Variants in ADAM33 observed in about 807,000 individuals in gnomAD.
ADAM33 encodes the protein ADAM metallopeptidase domain 33, also known as disintegrin and metalloproteinase domain-containing protein 33.
In ADAM33, 103 loss-of-function variants were observed where a neutral mutation model predicts 106.2. The ratio of observed to expected loss-of-function variants is 0.97; its 90% CI spans 0.83 to 1.14. ADAM33 has a LOEUF of 1.14. ADAM33 is among the 50% of genes most tolerant of loss of function. The pLI, the probability that ADAM33 is intolerant of heterozygous loss-of-function variation, is 0.00. For missense variants in ADAM33, 1,120 were observed against 1,096.6 expected (o/e 1.02, Z -0.30); for synonymous variants, 483 against 453.0 (o/e 1.07, Z -0.84).
At position 3,671,298 on chromosome 20, in the gene ADAM33, T is replaced by C. The variant is rs760575238; in HGVS notation, c.2031A>G (p.Pro677=). ...HNCHCAPGWA[P]PFCDKPGFGG... Reference sequence around the variant, plus strand: ...CAAAGCCTGGCTTGTCACAGAAGGGTGGAGCCCAGCCTGGAGCACAGTGGC... The same window carrying C: ...CAAAGCCTGGCTTGTCACAGAAGGGCGGAGCCCAGCCTGGAGCACAGTGGC... Residue 677 remains proline (P), a synonymous_variant, in exon 18 of 22, where the codon CCA becomes CCG. Transcript: ENST00000356518. 3 of 1,613,304 alleles carry C rather than the reference T, an allele frequency of 1.9e-6. No homozygotes were observed. In the African/African-American group the frequency reaches 4.0e-5, roughly 22 times the overall value.
intron 2 of ADAM33, 40 bp downstream of exon 2, chr20:3,679,452 T>C (rs2088275863): frequency 6.4e-7 from 1 of 1,568,772 alleles, no homozygotes; most frequent in Admixed American, 1.8e-5. Context: ...GGCTGGGAGG[T>C]TCAGGGCCCC....
intron 19 of ADAM33, chr20:3,669,867 A>T: frequency 3.2e-6 from 2 of 623,886 alleles, no homozygotes; most frequent in East Asian, 5.5e-5. Context: ...TCCTCTCTCT[A>T]GTCCTAACAT....
intron 6 of ADAM33, 82 bp downstream of exon 6, chr20:3,674,422 G>T: frequency 6.2e-7 from 1 of 1,600,154 alleles, no homozygotes. Flanking sequence ...ACTGGGACTC[G>T]AGGCCTGTGA....
intron 2 of ADAM33, among the ~76,000 whole-genome samples, chr20:3,679,216 G>A (rs1000755269): frequency 3.9e-4 from 59 of 151,252 alleles, no homozygotes; most frequent in Non-Finnish European, 1.3e-4. Flanking sequence ...TGGTGGGGGT[G>A]GGGGTGGCCC....
Position 3,681,987 on chromosome 20 carries a change from C to T in ADAM33, c.18G>A (p.Arg6=). ...GCAGCAACGGGGTCCCCCGAGCTCT[C>T]CGGGGCCTCCAGCCCATAGCTGTGA... MGWRP[R]RARGTPLLLL... is the part of the protein sequence containing the mutation. Residue 6 remains arginine, a synonymous_variant, in exon 1 of 22, where the codon CGG becomes CGA. Transcript: ENST00000356518. The T allele has an allele frequency of 6.5e-7, 1 of 1,537,024 alleles. No individual in the cohort carries two copies. The highest frequency in any genetic ancestry group is 8.8e-7 in the Non-Finnish European group (1 of 1,141,278).
At position 3,672,283 on chromosome 20, in the gene ADAM33, T is replaced by A; in HGVS notation, c.1448A>T (p.Asp483Val). 6.2e-7 allele frequency: 1 copy of A among 1,613,076 alleles called. No homozygotes were observed. The highest frequency in any genetic ancestry group is 8.5e-7 in the Non-Finnish European group (1 of 1,179,952). ...ALCRQAMGDC[D>V]LPEFCTGTSS... ...GGTGCCCGTGCAAAACTCAGGGAGG[T>A]CACAGTCACCCATGGCCTGGCGGCA... Residue 483 changes from aspartate (D) to valine (V), a missense_variant, in exon 14 of 22, where the codon GAC (aspartate) becomes GTC (valine). By Grantham distance (152) the Asp-to-Val change is radical. Transcript: ENST00000356518.
rs532929915 is a variant in ADAM33 at position 3,672,800 on chromosome 20, G to A, written c.1232C>T (p.Pro411Leu). 2.6e-4 allele frequency: 414 copies of A among 1,573,880 alleles called. 5 individuals are homozygous for A. In the South Asian group the frequency reaches 4.3e-3, roughly 16 times the overall value. ...GGACLSNAPD[P>L]GLPVPPALCG... The stretch of plus-strand genomic sequence containing the variant: ...GAGCGCCGGCGGCACCGGGAGTCCG[G>A]GGTCCGGGGCATTGGAGAGGCAAGC... Residue 411 changes from proline (P) to leucine (L), a missense_variant, in exon 12 of 22, where the codon CCC becomes CTC. Coordinates refer to ENST00000356518, the MANE Select transcript of ADAM33 (RefSeq NM_025220.5).
chr20:3,679,117 A>G (rs1466418067), intron 2 of ADAM33, among the ~76,000 whole-genome samples: 1 of 144,866 alleles, frequency 6.9e-6, no homozygotes, highest in Non-Finnish European at 1.5e-5. Context: ...CAACTTTGCA[A>G]AAGGTTTTCT....
rs1466471409 is a variant in ADAM33, at chr20:3,671,352, A to T, written c.1984-7T>A. 4 of 1,612,962 alleles carry T rather than the reference A, an allele frequency of 2.5e-6. No individual in the cohort carries two copies. Among genetic ancestry groups the T allele is most frequent in the Non-Finnish European group, 3.4e-6 (4 of 1,179,188 alleles). ...TATGGTTGCTATTGCAAACCTGCAG[A>T]GAAGAGAAGAGGAGGGTCACGTAGG... On this transcript the variant is annotated splice_polypyrimidine_tract_variant and splice_region_variant and intron_variant, in intron 17 of 21. Coordinates refer to ENST00000356518, the MANE Select transcript of ADAM33 (RefSeq NM_025220.5).
rs1261993232 is a variant in ADAM33 at position 3,669,050 on chromosome 20, G to A, written c.2405-50C>T. On this transcript the variant is annotated intron_variant, in intron 21 of 21. Coordinates refer to ENST00000356518, the MANE Select transcript of ADAM33 (RefSeq NM_025220.5). ...CCCCTAAGGACTGGGGCCCCAGGCT[G>A]CAAGCTGTGTGGCAGAGAGCCCATC... The A allele has an allele frequency of 5.6e-6, 9 of 1,598,908 alleles. No individual in the cohort carries two copies. In the African/African-American group the frequency reaches 8.0e-5, roughly 14 times the overall value.
chr20:3,678,347 G>A (rs891401799), intron 2 of ADAM33, among the ~76,000 whole-genome samples: 1 of 151,938 alleles, frequency 6.6e-6, no homozygotes, highest in Non-Finnish European at 1.5e-5. Context: ...GGGGCCCACC[G>A]GTGGGGGAAG....
intron 13 of ADAM33, 97 bp from the exon 14 acceptor site, chr20:3,672,426 T>TACCCAAGCCC (rs2087602566): frequency 1.9e-6 from 3 of 1,576,116 alleles, no homozygotes; most frequent in Non-Finnish European, 2.6e-6. Context: ...GAGCCAGGCC[T>TACCCAAGCCC]ACCCAAGCCC....
chr20:3,677,144 C>A lies in ADAM33; in HGVS notation c.178-1G>T. On this transcript the variant is annotated splice_acceptor_variant, in intron 2 of 21. Coordinates refer to ENST00000356518, the MANE Select transcript of ADAM33 (RefSeq NM_025220.5). LOFTEE classifies it high-confidence loss of function. ...CCAGCCCCATGTCTGGCTTCGAGAC[C>A]TGGGCAAGAAAATGTGTGGAGCTGA... The A allele has an allele frequency of 6.2e-7, 1 of 1,607,358 alleles. No individual in the cohort carries two copies. The highest frequency in any genetic ancestry group is 8.5e-7 in the Non-Finnish European group (1 of 1,176,724).
chr20:3,672,500 C>T lies in ADAM33; in HGVS notation c.1401+37G>A, dbSNP rs55880335. The T allele has an allele frequency of 3.3e-4, 522 of 1,602,456 alleles. 2 individuals carry two copies. The highest frequency in any genetic ancestry group is 3.7e-4 in the Non-Finnish European group (431 of 1,171,912). ...AGGCCAACAGGCCGGCTCCCAAGCT[C>T]CCCGAAACCCTCACCCTGAACCTTC... On this transcript the variant is annotated intron_variant, in intron 13 of 21. Transcript: ENST00000356518.
rs2087538772 is a variant in ADAM33 at position 3,671,601 on chromosome 20, TGCCTGGCTCTA to T, written c.1874_1884del (p.Val625AspfsTer6). 3.8e-6 allele frequency: 6 copies of T among 1,588,292 alleles called. No homozygotes were observed. Among genetic ancestry groups the T allele is most frequent in the Non-Finnish European group, 5.1e-6 (6 of 1,167,048 alleles). On this transcript the variant is annotated frameshift_variant, in exon 16 of 22. Coordinates refer to ENST00000356518, the MANE Select transcript of ADAM33 (RefSeq NM_025220.5). LOFTEE classifies it high-confidence loss of function. ...CTCACCATTCTAGGTCCACACTGGG[TGCCTGGCTCTA>T]CCAGGCCCAGGCCAAGCAGGTCCAG...
At chr20:3,679,290 T>C (rs1323770729) in intron 2 of ADAM33, among the ~76,000 whole-genome samples, 1 of 151,616 alleles carries the variant, frequency 6.6e-6, no homozygotes, top group Non-Finnish European at 1.5e-5. Context: ...GACTTCCATG[T>C]GTGCGGGCTC....
intron 1 of ADAM33, among the ~76,000 whole-genome samples, chr20:3,680,032 C>T (rs1005443572): frequency 2.0e-5 from 3 of 152,162 alleles, no homozygotes; most frequent in African/African-American, 4.8e-5. Flanking sequence ...TGTTGCCTTG[C>T]GAGGTCCACC....
intron 2 of ADAM33, 79 bp from the exon 3 acceptor site, chr20:3,677,222 C>A (rs973635343): frequency 1.5e-6 from 2 of 1,299,118 alleles, no homozygotes; most frequent in Non-Finnish European, 2.1e-6. Context: ...CCTGTGGAGC[C>A]GGCTGGGGAG....
At chr20:3,680,979 C>A (rs1187279490) in intron 1 of ADAM33, among the ~76,000 whole-genome samples, 1 of 152,116 alleles carries the variant, frequency 6.6e-6, no homozygotes, top group Non-Finnish European at 1.5e-5. Context: ...CCATCACCTC[C>A]CCTGACCCCA....
Sources: allele counts gnomAD v4.1 joint callset (sites outside exome capture counted in the v4.1 genomes callset), GRCh38; gene constraint gnomAD v4.1.1; transcripts MANE v1.5; gene names NCBI Gene and HGNC (gene_info 2026-07-23, HGNC 2026-07-21).